The following COL7A1 variants were observed in gnomAD, a reference collection of about 807,000 sequenced individuals.
The protein encoded by COL7A1 is collagen alpha-1(VII) chain.
In COL7A1, 296 loss-of-function variants were observed where a neutral mutation model predicts 456.2. That is an observed-to-expected ratio of 0.65 (90% CI 0.59 to 0.71). COL7A1 has a LOEUF of 0.71. Ranked by LOEUF, COL7A1 falls within the 30% of genes least tolerant of loss-of-function variation. COL7A1 has a pLI of 0.00. For synonymous variants in COL7A1, 1,464 were observed against 1,525.9 expected (o/e 0.96, Z 0.95); for missense variants, 3,441 against 4,017.2 (o/e 0.86, Z 3.88).
rs1332596683 is a variant in COL7A1, at chr3:48,565,679, C to T, written c.8408-11G>A. ...ACTGGCCCTGGCAGGCTAGAGGGGG[C>T]AGAGAGGGATAGAGAGACAATGACA... is the stretch of plus-strand genomic sequence containing the variant. On this transcript the variant is annotated splice_polypyrimidine_tract_variant and intron_variant, in intron 114 of 118. Transcript: ENST00000681320. The surrounding 1 kb of genome is among the most constrained non-coding windows in gnomAD (Gnocchi z 4.5). 1.9e-6 allele frequency: 3 copies of T among 1,611,300 alleles called. No homozygotes were observed. The highest frequency in any genetic ancestry group is 2.2e-5 in the South Asian group (2 of 90,608).
In COL7A1 at chr3:48,573,503, C is replaced by T. The variant is rs1379043622; in HGVS notation, c.6618+10G>A. On this transcript the variant is annotated intron_variant, in intron 83 of 118. Transcript: ENST00000681320. The surrounding 1 kb of genome is among the most constrained non-coding windows in gnomAD (Gnocchi z 5.5). The stretch of plus-strand genomic sequence containing the variant: ...GAGCCTCCTCCTCCTATCCACACAC[C>T]TAGACTCACCTTCAGGCCAGAAGGT... The T allele has an allele frequency of 1.2e-6, 2 of 1,614,100 alleles. No individual in the cohort carries two copies. Among genetic ancestry groups the T allele is most frequent in the Non-Finnish European group, 1.7e-6 (2 of 1,180,018 alleles).
At position 48,590,461 on chromosome 3, in the gene COL7A1, CTGCCTG is replaced by C. The variant is rs1203966229; in HGVS notation, c.1898_1903del (p.Thr633_Gly634del). 1.2e-6 allele frequency: 2 copies of C among 1,614,170 alleles called. No homozygotes were observed. The highest frequency in any genetic ancestry group is 3.3e-5 in the Admixed American group (2 of 60,030). On this transcript the variant is annotated inframe_deletion, in exon 15 of 119. Transcript: ENST00000681320. This position sits in a 1 kb window ranked among gnomAD's most constrained non-coding sequence, Gnocchi z 4.6. ...CCCCCCACACACCCCACACTGACCA[CTGCCTG>C]TGCTCCAGCTAATCCGAAATCCACT...
In COL7A1 at chr3:48,587,121, G is replaced by A. The variant is rs750401919; in HGVS notation, c.3140-13C>T. Reference sequence around the variant, plus strand: ...CCACGGGGGCACACTGTAGGAAGGGGAACAAGTTACTGAAGCGGGCAGCCC... The same window carrying A: ...CCACGGGGGCACACTGTAGGAAGGGAAACAAGTTACTGAAGCGGGCAGCCC... On this transcript the variant is annotated splice_polypyrimidine_tract_variant and intron_variant, in intron 24 of 118. Transcript: ENST00000681320. The surrounding 1 kb of genome is among the most constrained non-coding windows in gnomAD (Gnocchi z 6.1). 3 of 1,613,286 alleles carry A rather than the reference G, an allele frequency of 1.9e-6. No individual in the cohort carries two copies. The highest frequency in any genetic ancestry group is 3.3e-5 in the Admixed American group (2 of 59,926).
chr3:48,587,842 G>T lies in COL7A1; in HGVS notation c.2808C>A (p.Val936=). The change falls in exon 22 of 119, where the codon GTC becomes GTA. Residue 936 remains valine (V), a synonymous_variant. Transcript: ENST00000681320. This position sits in a 1 kb window ranked among gnomAD's most constrained non-coding sequence, Gnocchi z 6.1. ...AGGGCCCTTCTCCAGCTGGCCCTAG[G>T]ACACTCAGCCTCACGCGGTACTGTG... ...PATQYRVRLS[V]LGPAGEGPSA... is the part of the protein sequence containing the mutation. 1 of 1,613,426 alleles carries T rather than the reference G, an allele frequency of 6.2e-7. No individual in the cohort carries two copies. The highest frequency in any genetic ancestry group is 8.5e-7 in the Non-Finnish European group (1 of 1,179,934).
intron 47 of COL7A1, 72 bp downstream of exon 47, chr3:48,582,251 G>A (rs1414187981): frequency 5.6e-6 from 9 of 1,610,662 alleles, no homozygotes; most frequent in Non-Finnish European, 7.6e-6. Flanking sequence ...TCACAGCCCA[G>A]ATAGTGTTCT....
chr3:48,594,481 G>A lies in COL7A1; in HGVS notation c.153C>T (p.Arg51=), dbSNP rs1268823803. Residue 51 remains arginine, a synonymous_variant, in exon 3 of 119, where the codon CGC becomes CGT. Coordinates refer to ENST00000681320, the MANE Select transcript of COL7A1 (RefSeq NM_000094.4). The surrounding 1 kb of genome is among the most constrained non-coding windows in gnomAD (Gnocchi z 5.5). ...AGCTGCGGACCTCGCGGAAATTGCTGCGGCCAATGGATGAGGAGCCATCCA... is the reference window on the plus strand; with the variant it reads ...AGCTGCGGACCTCGCGGAAATTGCTACGGCCAATGGATGAGGAGCCATCCA... ...FLLDGSSSIG[R]SNFREVRSFL... 1 of 1,612,260 alleles carries A rather than the reference G, an allele frequency of 6.2e-7. No homozygotes were observed. The highest frequency in any genetic ancestry group is 1.3e-5 in the African/African-American group (1 of 74,884).
chr3:48,568,650 T>A lies in COL7A1; in HGVS notation c.7759-116A>T. 1.3e-6 allele frequency: 2 copies of A among 1,483,686 alleles called. No individual in the cohort carries two copies. The highest frequency in any genetic ancestry group is 2.4e-5 in the South Asian group (2 of 81,954). The allele number at this position is 1,483,686 out of a possible 1,614,324, so 91.9% of individuals were successfully genotyped here. ...GGCCAGGGCCCAGGCCACACACAGA[T>A]CCCGGGTGAACACACATGGGGCCGG... On this transcript the variant is annotated intron_variant, in intron 104 of 118. Coordinates refer to ENST00000681320, the MANE Select transcript of COL7A1 (RefSeq NM_000094.4). This position sits in a 1 kb window ranked among gnomAD's most constrained non-coding sequence, Gnocchi z 5.2.
In COL7A1 at chr3:48,569,404, G is replaced by A. The variant is rs752294739; in HGVS notation, c.7657C>T (p.Arg2553Trp). The A allele has an allele frequency of 2.5e-5, 40 of 1,614,052 alleles. No homozygotes were observed. Among genetic ancestry groups the A allele is most frequent in the South Asian group, 5.5e-5 (5 of 91,080 alleles). The change falls in exon 103 of 119, where the codon CGG becomes TGG. Residue 2553 changes from arginine (R) to tryptophan (W), a missense_variant. Transcript: ENST00000681320. This position sits in a 1 kb window ranked among gnomAD's most constrained non-coding sequence, Gnocchi z 4.9. ...PRGLDGDKGP[R>W]GDNGDPGDKG... ...TCACCAGGGTCCCCATTGTCTCCCC[G>A]AGGTCCTTTGTCACCATCCAAGCCC...
rs1476118111 is a variant in COL7A1, at chr3:48,568,198, C to G, written c.7795-28G>C. The G allele has an allele frequency of 6.2e-7, 1 of 1,608,148 alleles. No individual in the cohort carries two copies. The highest frequency in any genetic ancestry group is 8.5e-7 in the Non-Finnish European group (1 of 1,178,280). ...AGCAGGGAGAGGGTCCATGTGAGGT[C>G]AGAGGAGGTCAGTGAGGGACCAAAG... On this transcript the variant is annotated intron_variant, in intron 105 of 118. Coordinates refer to ENST00000681320, the MANE Select transcript of COL7A1 (RefSeq NM_000094.4). This position sits in a 1 kb window ranked among gnomAD's most constrained non-coding sequence, Gnocchi z 5.2.
chr3:48,594,567 A>C lies in COL7A1; in HGVS notation c.86-19T>G, dbSNP rs2045941628. On this transcript the variant is annotated intron_variant, in intron 2 of 118. Transcript: ENST00000681320. This position sits in a 1 kb window ranked among gnomAD's most constrained non-coding sequence, Gnocchi z 5.5. The stretch of plus-strand genomic sequence containing the variant: ...CAGGTCACTGGGGCGGGCAGGAGAG[A>C]TCAGGGCCTCTTCTGGGAGGCCAAC... 1.3e-6 allele frequency: 2 copies of C among 1,563,872 alleles called. No individual in the cohort carries two copies. The highest frequency in any genetic ancestry group is 1.4e-5 in the African/African-American group (1 of 73,764).
chr3:48,586,005 A>C lies in COL7A1; in HGVS notation c.3724-30T>G, dbSNP rs1560248941. ...GGACATAGGGTCTCTTTGAGGTTGAACATTTCTACCAAGAACCCCCAGACC... is the reference window on the plus strand; with the variant it reads ...GGACATAGGGTCTCTTTGAGGTTGACCATTTCTACCAAGAACCCCCAGACC... On this transcript the variant is annotated intron_variant, in intron 28 of 118. Coordinates refer to ENST00000681320, the MANE Select transcript of COL7A1 (RefSeq NM_000094.4). This position sits in a 1 kb window ranked among gnomAD's most constrained non-coding sequence, Gnocchi z 5.1. 10 of 1,613,676 alleles carry C rather than the reference A, an allele frequency of 6.2e-6. No homozygotes were observed. Among genetic ancestry groups the C allele is most frequent in the Non-Finnish European group, 8.5e-6 (10 of 1,180,018 alleles).
Position 48,583,449 on chromosome 3 carries a change from G to A in COL7A1, c.4402-21C>T, listed in dbSNP as rs1233779970. 2 of 1,614,178 alleles carry A rather than the reference G, an allele frequency of 1.2e-6. No individual in the cohort carries two copies. Among genetic ancestry groups the A allele is most frequent in the African/African-American group, 1.3e-5 (1 of 75,048 alleles). On this transcript the variant is annotated intron_variant, in intron 41 of 118. Transcript: ENST00000681320. This position sits in a 1 kb window ranked among gnomAD's most constrained non-coding sequence, Gnocchi z 5.1. ...GGGCCCTGGAAGGGATGAATTTGGG[G>A]GTTCAGAGATTTGGGTTTGGGCATG... is the stretch of plus-strand genomic sequence containing the variant.
rs1413233003 is a variant in COL7A1 at position 48,573,240 on chromosome 3, G to A, written c.6652-4C>T. Reference sequence around the variant, plus strand: ...CTCCAGTAGGTCCAGTCAGGCCCTGGAGGAAGAGAAAGTTCAGGGCAGTGC... The same window carrying A: ...CTCCAGTAGGTCCAGTCAGGCCCTGAAGGAAGAGAAAGTTCAGGGCAGTGC... On this transcript the variant is annotated splice_polypyrimidine_tract_variant and splice_region_variant and intron_variant, in intron 84 of 118. Coordinates refer to ENST00000681320, the MANE Select transcript of COL7A1 (RefSeq NM_000094.4). The surrounding 1 kb of genome is among the most constrained non-coding windows in gnomAD (Gnocchi z 5.5). The A allele has an allele frequency of 5.6e-6, 9 of 1,614,102 alleles. No individual in the cohort carries two copies. Among genetic ancestry groups the A allele is most frequent in the Middle Eastern group, 1.6e-4 (1 of 6,062 alleles).
rs1286484364 is a variant in COL7A1, at chr3:48,585,861, G to A, written c.3760-5C>T. 5 of 1,614,004 alleles carry A rather than the reference G, an allele frequency of 3.1e-6. 1 individual carries two copies. The highest frequency in any genetic ancestry group is 4.2e-6 in the Non-Finnish European group (5 of 1,180,040). On this transcript the variant is annotated splice_polypyrimidine_tract_variant and splice_region_variant and intron_variant, in intron 29 of 118. Coordinates refer to ENST00000681320, the MANE Select transcript of COL7A1 (RefSeq NM_000094.4). This position sits in a 1 kb window ranked among gnomAD's most constrained non-coding sequence, Gnocchi z 4.5. ...TCCAGGTTCCCCCTTCTGGCCCTGG[G>A]GAAAGACATGTCAGATGTGGGTCAG...
At position 48,588,336 on chromosome 3, in the gene COL7A1, G is replaced by T. The variant is rs758161225; in HGVS notation, c.2656C>A (p.Arg886Ser). The change falls in exon 21 of 119, where the codon CGC becomes AGC. Residue 886 changes from arginine (R) to serine (S), a missense_variant. Physicochemically the swap from Arg to Ser is moderately radical, Grantham distance 110. This residue lies in a region of COL7A1 where 444 missense variants were observed against 427.6 expected (regional missense o/e 1.04). Coordinates refer to ENST00000681320, the MANE Select transcript of COL7A1 (RefSeq NM_000094.4). This position sits in a 1 kb window ranked among gnomAD's most constrained non-coding sequence, Gnocchi z 4.6. ...VQRGEHSLRLRWEPVPRAQGF... is the reference protein window; with the variant it reads ...VQRGEHSLRLSWEPVPRAQGF... ...TGCGCTCTGGGCACCGGCTCCCAGC[G>T]CAGCCTCAGCGAGTGCTCCCCGCGC... 6.2e-7 allele frequency: 1 copy of T among 1,612,740 alleles called. No homozygotes were observed. The highest frequency in any genetic ancestry group is 2.2e-5 in the East Asian group (1 of 44,876).
In COL7A1 at chr3:48,571,180, C is replaced by T. The variant is rs770291739; in HGVS notation, c.7105-20G>A. On this transcript the variant is annotated intron_variant, in intron 93 of 118. Coordinates refer to ENST00000681320, the MANE Select transcript of COL7A1 (RefSeq NM_000094.4). The surrounding 1 kb of genome is among the most constrained non-coding windows in gnomAD (Gnocchi z 4.6). ...GTCACCCTTTGAGGAAAAGAGGCAT[C>T]GGATCAAGCTCAGGGAGTCTCACGA... The T allele has an allele frequency of 1.1e-5, 17 of 1,614,056 alleles. No individual in the cohort carries two copies. The highest frequency in any genetic ancestry group is 1.7e-5 in the Admixed American group (1 of 60,018).
At position 48,590,897 on chromosome 3, in the gene COL7A1, C is replaced by A; in HGVS notation, c.1637-81G>T. On this transcript the variant is annotated intron_variant, in intron 13 of 118. Coordinates refer to ENST00000681320, the MANE Select transcript of COL7A1 (RefSeq NM_000094.4). The surrounding 1 kb of genome is among the most constrained non-coding windows in gnomAD (Gnocchi z 4.6). ...ACGATGGCAGTGATGGACAGGGACG[C>A]AGAGTGAGAAGGGCCATGGGGGTGG... 1 of 1,378,244 alleles carries A rather than the reference C, an allele frequency of 7.3e-7. No homozygotes were observed. Among genetic ancestry groups the A allele is most frequent in the Non-Finnish European group, 1.0e-6 (1 of 992,522 alleles). The allele number at this position is 1,378,244 out of a possible 1,614,324, so 85.4% of individuals were successfully genotyped here. A position where few individuals can be genotyped will look rare whatever the true frequency, so the allele number is the denominator to read the frequency against.
At position 48,583,481 on chromosome 3, in the gene COL7A1, G is replaced by C. The variant is rs753514884; in HGVS notation, c.4402-53C>G. The C allele has an allele frequency of 8.1e-6, 13 of 1,613,820 alleles. No homozygotes were observed. The highest frequency in any genetic ancestry group is 1.1e-5 in the Non-Finnish European group (13 of 1,179,870). ...AGATTTGGGTTTGGGCATGAGGATG[G>C]AGCAGTGGTTGATGATTGAGGTAGG... On this transcript the variant is annotated intron_variant, in intron 41 of 118. Transcript: ENST00000681320. The surrounding 1 kb of genome is among the most constrained non-coding windows in gnomAD (Gnocchi z 5.1).
chr3:48,584,517 G>A lies in COL7A1; in HGVS notation c.4087C>T (p.Leu1363Phe). 1 of 1,614,080 alleles carries A rather than the reference G, an allele frequency of 6.2e-7. No individual in the cohort carries two copies. The highest frequency in any genetic ancestry group is 8.5e-7 in the Non-Finnish European group (1 of 1,180,010). The change falls in exon 36 of 119, where the codon CTT (leucine) becomes TTT (phenylalanine). Residue 1363 changes from leucine (L) to phenylalanine (F), a missense_variant. Around this residue, in one of 3 missense-constraint regions of COL7A1, gnomAD observed 2,084 missense variants for 2,501.3 expected, o/e 0.83. Coordinates refer to ENST00000681320, the MANE Select transcript of COL7A1 (RefSeq NM_000094.4). ...CCAGGGTCCCCTTTCCGCCCAGGAAGCCCAGGTCCTTCACCTCCGATGACT... is the reference window on the plus strand; with the variant it reads ...CCAGGGTCCCCTTTCCGCCCAGGAAACCCAGGTCCTTCACCTCCGATGACT... ...GQVIGGEGPG[L>F]PGRKGDPGPS... is the part of the protein sequence containing the mutation.
Sources: gnomAD v4.1 joint callset for allele counts on GRCh38, gnomAD v4.1.1 for gene constraint, gnomAD v4.1.1 regional missense constraint, Gnocchi (gnomAD v3.1) non-coding constraint, MANE v1.5 for transcripts, NCBI Gene and HGNC (gene_info 2026-07-23, HGNC 2026-07-21) for gene names.